The following HEATR5B variants were observed in gnomAD, a reference collection of about 807,000 sequenced individuals.
HEATR5B encodes HEAT repeat containing 5B, also known as HEAT repeat-containing protein 5B.
A neutral mutation model predicts 224.1 loss-of-function variants in HEATR5B; 156 were observed. That is an observed-to-expected ratio of 0.70 (90% confidence interval 0.61 to 0.80). The LOEUF is 0.80. Among genes scored for constraint, HEATR5B ranks in the 30% least tolerant of loss-of-function variants. HEATR5B has a pLI of 0.00. For synonymous variants in HEATR5B, 1,027 were observed against 893.0 expected (o/e 1.15, Z -2.68); for missense variants, 2,323 against 2,535.5 (o/e 0.92, Z 1.80).
chr2:37,037,568 A>T (rs1466266522), intron 21 of HEATR5B, among the ~76,000 whole-genome samples: 1 of 152,238 alleles, frequency 6.6e-6, no homozygotes, highest in East Asian at 1.9e-4. Flanking sequence ...AAAAACAAAC[A>T]AAAGATCTAG....
At chr2:37,047,785 G>A (rs897141375) in intron 18 of HEATR5B, among the ~76,000 whole-genome samples, 11 of 152,296 alleles carry the variant, frequency 7.2e-5, no homozygotes, top group Admixed American at 7.2e-4. Flanking sequence ...TATTATATCA[G>A]AAGAGATGAT....
intron 12 of HEATR5B, among the ~76,000 whole-genome samples, chr2:37,059,458 A>ATT (rs1558358745): frequency 1.9e-5 from 2 of 106,740 alleles, no homozygotes; most frequent in South Asian, 3.6e-4. Context: ...ATATATATAT[A>ATT]TATATATTTT....
Position 37,027,993 on chromosome 2 carries a change from CA to C in HEATR5B, c.3782del (p.Leu1261CysfsTer77), listed in dbSNP as rs761037794. 3.7e-6 allele frequency: 6 copies of C among 1,614,140 alleles called. No individual in the cohort carries two copies. On this transcript the variant is annotated frameshift_variant, in exon 24 of 36. Transcript: ENST00000233099. LOFTEE classifies it high-confidence loss of function. ...AADCLCRIIN[L>X]CENADQAHFD... ...AGTGAGCCTGGTCTGCATTCTCACA[CA>C]AATTGATGATTCGACACAGGCAATC...
chr2:37,005,588 C>A (rs775006428), intron 30 of HEATR5B, 44 bp downstream of exon 30: 9 of 1,536,768 alleles, frequency 5.9e-6, no homozygotes, highest in South Asian at 2.4e-5. Flanking sequence ...AAGCAATACT[C>A]AAAAAAAAAC....
At chr2:37,056,745 C>T (rs1292620647) in intron 15 of HEATR5B, 130 bp from the exon 16 acceptor site, 12 of 717,762 alleles carry the variant, frequency 1.7e-5, no homozygotes, top group Non-Finnish European at 1.9e-5. Flanking sequence ...TGGATCCGAA[C>T]ATTTGAAAAC....
chr2:37,064,799 C>G lies in HEATR5B; in HGVS notation c.1525G>C (p.Ala509Pro). The change falls in exon 10 of 36, where the codon GCT becomes CCT. Residue 509 changes from alanine to proline, a missense_variant. This residue lies in a region of HEATR5B where 502 missense variants were observed against 517.8 expected (regional missense o/e 0.97). Transcript: ENST00000233099. Reference protein sequence around the residue: ...EAVSGYSFAMAALLGGVHQCP... With the variant: ...EAVSGYSFAMPALLGGVHQCP... ...TGATGTACTCCACCTAACAAAGCAG[C>G]CATTGCAAAACTATATCCACTGACA... The G allele has an allele frequency of 6.2e-7, 1 of 1,614,024 alleles. No individual in the cohort carries two copies.
At chr2:37,063,203 A>G (rs1436344439) in intron 10 of HEATR5B, among the ~76,000 whole-genome samples, 1 of 152,202 alleles carries the variant, frequency 6.6e-6, no homozygotes, top group Non-Finnish European at 1.5e-5. Context: ...CACATGGGCT[A>G]GCACTGTTCT....
At chr2:37,013,667 C>A (rs1456736009) in intron 27 of HEATR5B, among the ~76,000 whole-genome samples, 174 bp downstream of exon 27, 1 of 152,136 alleles carries the variant, frequency 6.6e-6, no homozygotes, top group Non-Finnish European at 1.5e-5. Context: ...TGTAGGAGAG[C>A]CCTTCCTCAA....
chr2:37,076,827 C>A (rs1672265925), intron 4 of HEATR5B, 84 bp downstream of exon 4: 5 of 1,014,914 alleles, frequency 4.9e-6, no homozygotes, highest in Non-Finnish European at 7.6e-6. Context: ...ACCACAGTGA[C>A]AGAAAAAGAA....
At position 36,981,430 on chromosome 2, in the gene HEATR5B, G is replaced by C. The variant is rs998956795; in HGVS notation, c.*60C>G. On this transcript the variant is annotated 3_prime_UTR_variant, in exon 36 of 36. Coordinates refer to ENST00000233099, the MANE Select transcript of HEATR5B (RefSeq NM_019024.3). Reference sequence around the variant, plus strand: ...CCCATAGGTAGCCTGGAATGATACAGTGGCCATCACTAATTAGGGGCTAGT... The same window carrying C: ...CCCATAGGTAGCCTGGAATGATACACTGGCCATCACTAATTAGGGGCTAGT... 7.8e-6 allele frequency: 10 copies of C among 1,281,366 alleles called. No homozygotes were observed. The highest frequency in any genetic ancestry group is 2.2e-5 in the Admixed American group (1 of 45,830). 79.4% of individuals were successfully genotyped at this position (1,281,366 alleles called of 1,614,324 possible).
In HEATR5B at chr2:37,075,649, A is replaced by G; in HGVS notation, c.448-15T>C. The stretch of plus-strand genomic sequence containing the variant: ...CGCCCTTGAGACTAGACATGTATAC[A>G]AAACAAAACTATTTTGTAAAATAAA... On this transcript the variant is annotated splice_polypyrimidine_tract_variant and intron_variant, in intron 4 of 35. Transcript: ENST00000233099. 6.3e-7 allele frequency: 1 copy of G among 1,581,806 alleles called. No homozygotes were observed. The highest frequency in any genetic ancestry group is 8.6e-7 in the Non-Finnish European group (1 of 1,163,652).
At chr2:37,080,388 T>A (rs776010147) in intron 2 of HEATR5B, among the ~76,000 whole-genome samples, 2 of 152,114 alleles carry the variant, frequency 1.3e-5, no homozygotes, top group Admixed American at 6.5e-5. Flanking sequence ...CATGACCAAA[T>A]AGGAAGCAGA....
chr2:37,040,563 A>C, intron 19 of HEATR5B, 45 bp from the exon 20 acceptor site: 2 of 1,437,164 alleles, frequency 1.4e-6, no homozygotes. Flanking sequence ...GAAGAATTCG[A>C]ATGTACTGAA....
At chr2:37,009,685 C>A (rs1190484637) in intron 27 of HEATR5B, among the ~76,000 whole-genome samples, 3 of 151,996 alleles carry the variant, frequency 2.0e-5, no homozygotes, top group African/African-American at 7.2e-5. Flanking sequence ...GATCTGACTT[C>A]TGACTATTCC....
rs765142939 is a variant in HEATR5B, at chr2:37,028,861, C to G, written c.3421G>C (p.Gly1141Arg). 1 of 1,613,988 alleles carries G rather than the reference C, an allele frequency of 6.2e-7. No individual in the cohort carries two copies. The highest frequency in any genetic ancestry group is 8.5e-7 in the Non-Finnish European group (1 of 1,179,880). Residue 1141 changes from glycine to arginine, a missense_variant, in exon 23 of 36, where the codon GGT becomes CGT. Physicochemically the swap from Gly to Arg is moderately radical, Grantham distance 125. Coordinates refer to ENST00000233099, the MANE Select transcript of HEATR5B (RefSeq NM_019024.3). ...AGACCAGTTTCTGTTATATTAACAC[C>G]TTGGTGCCGGCAATGGATATCAGTT... Reference protein sequence around the residue: ...SRTDIHCRHQGVNITETGLEG... With the variant: ...SRTDIHCRHQRVNITETGLEG...
At chr2:36,995,792 A>C (rs1398535957) in intron 33 of HEATR5B, among the ~76,000 whole-genome samples, 1 of 152,220 alleles carries the variant, frequency 6.6e-6, no homozygotes, top group Non-Finnish European at 1.5e-5. Context: ...TCCCATTGCC[A>C]GATATAGTTA....
At chr2:36,988,397 G>A (rs1666090406) in intron 35 of HEATR5B, among the ~76,000 whole-genome samples, 1 of 151,872 alleles carries the variant, frequency 6.6e-6, no homozygotes, top group Non-Finnish European at 1.5e-5. Context: ...CAAGTAGCTG[G>A]GACAGCAGGT....
chr2:37,007,525 A>G (rs1259897529), intron 28 of HEATR5B, among the ~76,000 whole-genome samples: 1 of 151,764 alleles, frequency 6.6e-6, no homozygotes, highest in Non-Finnish European at 1.5e-5. Context: ...TTGTATTTTT[A>G]GTAGAAATGG....
intron 26 of HEATR5B, among the ~76,000 whole-genome samples, chr2:37,017,336 T>A (rs1181550851): frequency 1.3e-5 from 2 of 150,788 alleles, no homozygotes; most frequent in East Asian, 3.9e-4. Context: ...GAGGGTGCAG[T>A]GAGCTGAGAT....
Sources: allele counts gnomAD v4.1 joint callset (sites outside exome capture counted in the v4.1 genomes callset), GRCh38; gene constraint gnomAD v4.1.1; regional missense constraint gnomAD v4.1.1; transcripts MANE v1.5; gene names NCBI Gene and HGNC (gene_info 2026-07-23, HGNC 2026-07-21).